CPHXL: variants seen among roughly 807,000 people sequenced by gnomAD.
CPHXL encodes cytoplasmic polyadenylated homeobox like.
chr16:75,726,269 C>G (rs563427321), intron 1 of CPHXL, 149 bp downstream of exon 1: 82 of 396,176 alleles, frequency 2.1e-4, no homozygotes, highest in African/African-American at 1.6e-3. Flanking sequence ...CTTCAAAGTA[C>G]CCATGAATGC....
At chr16:75,716,202 C>T (rs1054991932) in intron 2 of CPHXL, among the ~76,000 whole-genome samples, 14 of 152,184 alleles carry the variant, frequency 9.2e-5, no homozygotes, top group Non-Finnish European at 1.6e-4. Context: ...TTTTTCCACA[C>T]ACCAGGCAAA....
rs1040683392 is a variant in CPHXL at position 75,720,290 on chromosome 16, C to T, written c.26-1832G>A. Among the ~76,000 whole-genome samples, 4 of 151,902 alleles carry T rather than the reference C, an allele frequency of 2.6e-5. No individual in the cohort carries two copies. In the East Asian group the frequency reaches 5.8e-4, roughly 22 times the overall value. ...CGAGTTGAGAGAAGAAGGCTTCAGA[C>T]GATCAAACTACTCCGAGCTAAAGGA... On this transcript the variant is annotated intron_variant, in intron 1 of 2. Transcript: ENST00000640559.
At chr16:75,720,388 C>T (rs972070781) in intron 1 of CPHXL, among the ~76,000 whole-genome samples, 1 of 152,026 alleles carries the variant, frequency 6.6e-6, no homozygotes, top group African/African-American at 2.4e-5. Flanking sequence ...GTAGAATAAC[C>T]AAAGCAGGGA....
intron 1 of CPHXL, among the ~76,000 whole-genome samples, chr16:75,724,589 C>A (rs1341625187): frequency 6.6e-6 from 1 of 152,216 alleles, no homozygotes; most frequent in Non-Finnish European, 1.5e-5. Context: ...CATCTCACAC[C>A]AGTTAGAATG....
At chr16:75,723,909 CTGGT>C (rs1357068525) in intron 1 of CPHXL, among the ~76,000 whole-genome samples, 7 of 152,186 alleles carry the variant, frequency 4.6e-5, no homozygotes, top group African/African-American at 1.7e-4. Context: ...CAGCATGGTA[CTGGT>C]ACCAAAACAG....
chr16:75,721,394 AG>A (rs1025965149), intron 1 of CPHXL, among the ~76,000 whole-genome samples: 2 of 152,230 alleles, frequency 1.3e-5, no homozygotes, highest in Admixed American at 1.3e-4. Context: ...CTCAAAATAA[AG>A]GGATGGAGGA....
intron 1 of CPHXL, among the ~76,000 whole-genome samples, chr16:75,725,357 C>T (rs1283264259): frequency 1.3e-5 from 2 of 152,122 alleles, no homozygotes; most frequent in Non-Finnish European, 2.9e-5. Flanking sequence ...GGCGTGCTCT[C>T]AGCTCACTGC....
At chr16:75,716,520 G>A (rs920530351) in intron 2 of CPHXL, among the ~76,000 whole-genome samples, 3 of 152,214 alleles carry the variant, frequency 2.0e-5, no homozygotes, top group African/African-American at 7.2e-5. Context: ...GAGATGCATA[G>A]GGTGAGATAT....
chr16:75,721,168 T>TC (rs1464203686), intron 1 of CPHXL, among the ~76,000 whole-genome samples: 1 of 152,106 alleles, frequency 6.6e-6, no homozygotes, highest in Non-Finnish European at 1.5e-5. Context: ...GTTAAGACCA[T>TC]CGAGGCTAGG....
chr16:75,718,150 G>A (rs1457277253), intron 2 of CPHXL, 115 bp downstream of exon 2: 2 of 392,502 alleles, frequency 5.1e-6, no homozygotes, highest in Non-Finnish European at 9.0e-6. Context: ...CCTGGAAAAT[G>A]GAGGCTGCAG....
Position 75,714,898 on chromosome 16 carries a change from G to A in CPHXL, c.544C>T (p.Pro182Ser), listed in dbSNP as rs1451841049. The change falls in exon 3 of 3, where the codon CCC becomes TCC. Residue 182 changes from proline (P) to serine (S), a missense_variant. Transcript: ENST00000640559. ...CACTGGGAACCCACCTGTTGACTGG[G>A]AATCCCTGGTTTCTCCAGATAAGAG... is the stretch of plus-strand genomic sequence containing the variant. ...QCSYLEKPGIPSQQVGSQCSY... is the reference protein window; with the variant it reads ...QCSYLEKPGISSQQVGSQCSY... The A allele has an allele frequency of 5.0e-6, 2 of 398,546 alleles. No individual in the cohort carries two copies. The highest frequency in any genetic ancestry group is 8.8e-6 in the Non-Finnish European group (2 of 226,100). 24.7% of individuals were successfully genotyped at this position (398,546 alleles called of 1,614,324 possible).
In CPHXL at chr16:75,723,460, GACAA is replaced by G. The variant is rs1346747677; in HGVS notation, c.25+2954_25+2957del. ...CAAGCATTCTTATACACCAATAACA[GACAA>G]ACAGAGAGCCAAATCATGAGTGAAC... is the stretch of plus-strand genomic sequence containing the variant. On this transcript the variant is annotated intron_variant, in intron 1 of 2. Transcript: ENST00000640559. Among the ~76,000 whole-genome samples, 7 of 152,268 alleles carry G rather than the reference GACAA, an allele frequency of 4.6e-5. No homozygotes were observed. In the South Asian group the frequency reaches 6.2e-4, roughly 14 times the overall value.
At chr16:75,720,551 G>GA (rs1449444588) in intron 1 of CPHXL, among the ~76,000 whole-genome samples, 15 of 152,212 alleles carry the variant, frequency 9.9e-5, no homozygotes, top group African/African-American at 3.6e-4. Context: ...GAAGTTTAGA[G>GA]AAAAAAGAAT....
chr16:75,722,072 A>G (rs1959486024), intron 1 of CPHXL, among the ~76,000 whole-genome samples: 1 of 152,234 alleles, frequency 6.6e-6, no homozygotes, highest in African/African-American at 2.4e-5. Flanking sequence ...CAAAGACCCA[A>G]CATACCAGAA....
intron 2 of CPHXL, among the ~76,000 whole-genome samples, chr16:75,715,540 G>T (rs913039960): frequency 5.9e-5 from 9 of 152,120 alleles, no homozygotes; most frequent in Non-Finnish European, 4.4e-5. Context: ...ATGTTCTCCT[G>T]CATGTTCACT....
At chr16:75,726,027 G>A (rs1331802993) in intron 1 of CPHXL, among the ~76,000 whole-genome samples, 3 of 151,412 alleles carry the variant, frequency 2.0e-5, no homozygotes, top group Non-Finnish European at 4.4e-5. Context: ...TAGGGAAGAG[G>A]AAAATTAATG....
At chr16:75,726,220 T>A (rs1959557326) in intron 1 of CPHXL, among the ~76,000 whole-genome samples, 198 bp downstream of exon 1, 1 of 152,200 alleles carries the variant, frequency 6.6e-6, no homozygotes, top group African/African-American at 2.4e-5. Flanking sequence ...TGTATGGGAC[T>A]CACGGCTGCC....
intron 1 of CPHXL, among the ~76,000 whole-genome samples, chr16:75,723,082 G>A (rs1201115738): frequency 1.3e-5 from 2 of 152,126 alleles, no homozygotes; most frequent in East Asian, 1.9e-4. Flanking sequence ...AATAAATTAG[G>A]TATTGATGGG....
At chr16:75,722,533 A>G (rs1438490823) in intron 1 of CPHXL, among the ~76,000 whole-genome samples, 9 of 152,200 alleles carry the variant, frequency 5.9e-5, no homozygotes, top group African/African-American at 1.7e-4. Context: ...CTAGACACAT[A>G]CACCCTCCCA....
Sources: gnomAD v4.1 joint callset for allele counts (sites outside exome capture counted in the v4.1 genomes callset) on GRCh38, gnomAD v4.1.1 for gene constraint, MANE v1.5 for transcripts, NCBI Gene and HGNC (gene_info 2026-07-23, HGNC 2026-07-21) for gene names.